The following F5 variants were observed in gnomAD, a reference collection of about 807,000 sequenced individuals.
F5 encodes activated protein c cofactor.
In F5, 138 loss-of-function variants were observed where a neutral mutation model predicts 216.4. That is an observed-to-expected ratio of 0.64 (90% confidence interval 0.56 to 0.73). F5 has a LOEUF of 0.73. Ranked by LOEUF, F5 falls within the 30% of genes least tolerant of loss-of-function variation. The probability of loss-of-function intolerance (pLI) is 0.00; values close to 1 mark genes in which losing one functional copy is unlikely to be tolerated. For missense variants in F5, 2,403 were observed against 2,674.0 expected (o/e 0.90, Z 2.24); for synonymous variants, 916 against 930.7 (o/e 0.98, Z 0.29).
chr1:169,552,185 T>C (rs1215795315), intron 8 of F5, among the ~76,000 whole-genome samples: 1 of 152,206 alleles, frequency 6.6e-6, no homozygotes, highest in Non-Finnish European at 1.5e-5. Context: ...TTTTTGTAGA[T>C]GATGTAAACT....
intron 3 of F5, among the ~76,000 whole-genome samples, chr1:169,566,515 C>T (rs1030828982): frequency 2.0e-5 from 3 of 151,862 alleles, no homozygotes; most frequent in Non-Finnish European, 4.4e-5. Flanking sequence ...CAGCACTCAT[C>T]GCCATTTGTA....
In F5 at chr1:169,541,131, G is replaced by C. The variant is rs780456460; in HGVS notation, c.3959C>G (p.Pro1320Arg). Reference protein sequence around the residue: ...TNLSPALGQMPISPDLSHTTL... With the variant: ...TNLSPALGQMRISPDLSHTTL... ...TGTATGGCTGAGGTCTGGAGAAATG[G>C]GCATCTGACCGAGGGCTGGGGAAAG... Residue 1320 changes from proline (P) to arginine (R), a missense_variant, in exon 13 of 25, where the codon CCC becomes CGC. This residue lies in a region of F5 where 26 missense variants were observed against 60.6 expected (regional missense o/e 0.43). Transcript: ENST00000367797. 6.4e-7 allele frequency: 1 copy of C among 1,574,202 alleles called. No homozygotes were observed. Among genetic ancestry groups the C allele is most frequent in the East Asian group, 2.3e-5 (1 of 42,950 alleles).
intron 6 of F5, among the ~76,000 whole-genome samples, chr1:169,555,688 T>G (rs1163121881): frequency 7.0e-6 from 1 of 141,982 alleles, no homozygotes; most frequent in Non-Finnish European, 1.5e-5. Flanking sequence ...ATCTGTCCCT[T>G]AATCTATAAA....
chr1:169,515,975 G>T (rs796393584), intron 23 of F5, among the ~76,000 whole-genome samples: 14 of 152,220 alleles, frequency 9.2e-5, no homozygotes, highest in African/African-American at 3.4e-4. Flanking sequence ...ATGAATAAAT[G>T]AGCTTTATTT....
chr1:169,552,004 A>G (rs993232151), intron 8 of F5, among the ~76,000 whole-genome samples: 1 of 152,204 alleles, frequency 6.6e-6, no homozygotes, highest in Non-Finnish European at 1.5e-5. Context: ...TATAATGAGA[A>G]ATATTTTAAT....
intron 3 of F5, among the ~76,000 whole-genome samples, chr1:169,563,122 T>C (rs1660519068): frequency 6.6e-6 from 1 of 152,044 alleles, no homozygotes; most frequent in African/African-American, 2.4e-5. Flanking sequence ...TCTTCTACCC[T>C]CCCAACACTT....
intron 3 of F5, among the ~76,000 whole-genome samples, chr1:169,565,019 C>T (rs796559588): frequency 8.1e-4 from 124 of 152,194 alleles, no homozygotes; most frequent in African/African-American, 2.9e-3. Context: ...CTCTTGTTTA[C>T]TATGGGCTCC....
rs1157345306 is a variant in F5, at chr1:169,518,524, T to G, written c.6233A>C (p.Glu2078Ala). 1 of 1,613,950 alleles carries G rather than the reference T, an allele frequency of 6.2e-7. No homozygotes were observed. The highest frequency in any genetic ancestry group is 1.7e-5 in the Admixed American group (1 of 60,000). ...TPLGMENGKI[E>A]NKQITASSFK... ...CGAAGAAGCTGTGATTTGCTTGTTTTCTATCTTTCCATTTTCCATACCCAG... is the reference window on the plus strand; with the variant it reads ...CGAAGAAGCTGTGATTTGCTTGTTTGCTATCTTTCCATTTTCCATACCCAG... The change falls in exon 23 of 25, where the codon GAA becomes GCA. Residue 2078 changes from glutamate to alanine, a missense_variant. Glu to Ala is a moderately radical substitution (Grantham distance 107, BLOSUM62 -1). This residue lies in a region of F5 where 659 missense variants were observed against 787.9 expected (regional missense o/e 0.84). Coordinates refer to ENST00000367797, the MANE Select transcript of F5 (RefSeq NM_000130.5).
At chr1:169,572,906 C>A (rs1477629866) in intron 2 of F5, among the ~76,000 whole-genome samples, 1 of 151,358 alleles carries the variant, frequency 6.6e-6, no homozygotes, top group Non-Finnish European at 1.5e-5. Context: ...ACGGTAAGAA[C>A]TTGAATTTTC....
rs1163422006 is a variant in F5, at chr1:169,529,622, G to A, written c.5405C>T (p.Ser1802Phe). 1 of 1,613,454 alleles carries A rather than the reference G, an allele frequency of 6.2e-7. No individual in the cohort carries two copies. The highest frequency in any genetic ancestry group is 1.1e-5 in the South Asian group (1 of 91,060). The change falls in exon 16 of 25, where the codon TCC becomes TTC. Residue 1802 changes from serine (S) to phenylalanine (F), a missense_variant. Physicochemically the swap from Ser to Phe is radical, Grantham distance 155. Transcript: ENST00000367797. ...GAGGAAAATACCGTGAAACTCATGG[G>A]ATTTTTTCATTTCTGAGGATGTGAG... is the stretch of plus-strand genomic sequence containing the variant. ...WRLTSSEMKK[S>F]HEFHAINGMI...
rs751835098 is a variant in F5 at position 169,529,651 on chromosome 1, C to T, written c.5376G>A (p.Trp1792Ter). 3.7e-6 allele frequency: 6 copies of T among 1,613,802 alleles called. No individual in the cohort carries two copies. The South Asian group carries it at 6.6e-5, about 18-fold the overall frequency. Residue 1792 changes from tryptophan (W) to a stop codon, truncating the protein, a stop_gained, in exon 16 of 25, where the codon TGG (tryptophan) becomes TGA (stop). Coordinates refer to ENST00000367797, the MANE Select transcript of F5 (RefSeq NM_000130.5). LOFTEE classifies it high-confidence loss of function. Reference protein sequence around the residue: ...WYYEKKSRSSWRLTSSEMKKS... With the variant: ...WYYEKKSRSS The stretch of plus-strand genomic sequence containing the variant: ...TTTTCATTTCTGAGGATGTGAGTCT[C>T]CAAGAACTTCGGGACTTCTTTTCAT...
chr1:169,530,691 G>T, intron 15 of F5, 95 bp downstream of exon 15: 1 of 1,133,616 alleles, frequency 8.8e-7, no homozygotes. Flanking sequence ...AAGCAAGACA[G>T]ACATTTGACA....
In F5 at chr1:169,514,366, A is replaced by G. The variant is rs1230851293; in HGVS notation, c.6622T>C (p.Trp2208Arg). The change falls in exon 25 of 25, where the codon TGG becomes CGG. Residue 2208 changes from tryptophan (W) to arginine (R), a missense_variant. This residue lies in a region of F5 where 659 missense variants were observed against 787.9 expected (regional missense o/e 0.84). Coordinates refer to ENST00000367797, the MANE Select transcript of F5 (RefSeq NM_000130.5). ...SRFIRVIPKT[W>R]NQSIALRLEL... The stretch of plus-strand genomic sequence containing the variant: ...AGGCGAAGTGCAATACTTTGATTCC[A>G]TGTTTTAGGAATGACACGGATAAAC... The G allele has an allele frequency of 6.2e-7, 1 of 1,613,354 alleles. No homozygotes were observed. The highest frequency in any genetic ancestry group is 8.5e-7 in the Non-Finnish European group (1 of 1,179,540).
intron 2 of F5, among the ~76,000 whole-genome samples, chr1:169,577,970 G>A (rs1037676606): frequency 2.0e-5 from 3 of 152,106 alleles, no homozygotes; most frequent in Non-Finnish European, 4.4e-5. Flanking sequence ...GCAGATGAGT[G>A]GAGCAGGACA....
At chr1:169,521,634 T>TTTTG (rs1571559617) in intron 21 of F5, among the ~76,000 whole-genome samples, 3 of 142,766 alleles carry the variant, frequency 2.1e-5, no homozygotes, top group Non-Finnish European at 4.6e-5. Flanking sequence ...TTTTTTTTTT[T>TTTTG]TTTTTGAGAC....
chr1:169,580,673 A>G (rs1660967306), intron 2 of F5, among the ~76,000 whole-genome samples: 1 of 152,118 alleles, frequency 6.6e-6, no homozygotes, highest in Non-Finnish European at 1.5e-5. Context: ...GCCTGGCCTC[A>G]ATACACAATT....
chr1:169,585,926 A>C (rs1661093551), intron 1 of F5, among the ~76,000 whole-genome samples: 1 of 152,186 alleles, frequency 6.6e-6, no homozygotes, highest in Admixed American at 6.5e-5. Context: ...CCTTTGAATT[A>C]ACCAATATAT....
intron 2 of F5, among the ~76,000 whole-genome samples, chr1:169,578,127 A>C (rs1660905997): frequency 6.6e-6 from 1 of 152,226 alleles, no homozygotes. Context: ...CAACTACTAT[A>C]GAGTTACAAA....
Position 169,572,306 on chromosome 1 carries a change from G to A in F5, c.288C>T (p.Asp96=), listed in dbSNP as rs200217111. 4 of 1,613,238 alleles carry A rather than the reference G, an allele frequency of 2.5e-6. No individual in the cohort carries two copies. The East Asian group carries it at 8.9e-5, about 36-fold the overall frequency. The part of the protein sequence containing the change: ...LGPTLYAEVG[D]IIKVHFKNKA... ...TATTTTTAAAGTGAACTTTTATGATGTCTCCGACTTCAGCATATAAAGTAG... is the reference window on the plus strand; with the variant it reads ...TATTTTTAAAGTGAACTTTTATGATATCTCCGACTTCAGCATATAAAGTAG... Residue 96 remains aspartate (D), a synonymous_variant, in exon 3 of 25, where the codon GAC becomes GAT. Coordinates refer to ENST00000367797, the MANE Select transcript of F5 (RefSeq NM_000130.5).
Sources: allele counts gnomAD v4.1 joint callset (sites outside exome capture counted in the v4.1 genomes callset), GRCh38; gene constraint gnomAD v4.1.1; regional missense constraint gnomAD v4.1.1; transcripts MANE v1.5; gene names NCBI Gene and HGNC (gene_info 2026-07-23, HGNC 2026-07-21).